Variants in A2ML1 observed in about 807,000 individuals in gnomAD.
A2ML1 encodes alpha-2-macroglobulin like 1.
A2ML1 carries 161 observed loss-of-function variants against 181.9 expected under a neutral mutation model. The ratio of observed to expected loss-of-function variants is 0.89; its 90% CI spans 0.78 to 1.01. The LOEUF (loss-of-function observed/expected upper bound fraction) is 1.01, where lower values mean the gene tolerates loss of function less well. Ranked by LOEUF, A2ML1 falls within the 50% of genes least tolerant of loss-of-function variation. The pLI, the probability that A2ML1 is intolerant of heterozygous loss-of-function variation, is 0.00. For missense variants in A2ML1, 1,670 were observed against 1,768.1 expected (o/e 0.94, Z 1.00); for synonymous variants, 663 against 666.8 (o/e 0.99, Z 0.09).
intron 12 of A2ML1, 91 bp from the exon 13 acceptor site, chr12:8,845,351 T>C (rs1943631732): frequency 6.8e-7 from 1 of 1,469,720 alleles, no homozygotes; most frequent in South Asian, 1.1e-5. Flanking sequence ...GAACCTCTCC[T>C]CATGAAGGGA....
chr12:8,837,890 C>T (rs984871834), intron 8 of A2ML1, among the ~76,000 whole-genome samples: 3 of 46,092 alleles, frequency 6.5e-5, no homozygotes, highest in East Asian at 2.9e-3. Context: ...CCTCCCCCAC[C>T]GAAAAAAAAA....
intron 12 of A2ML1, chr12:8,845,061 T>A: frequency 7.0e-7 from 1 of 1,432,654 alleles, no homozygotes; most frequent in Non-Finnish European, 9.1e-7. Flanking sequence ...AATTTTAAAT[T>A]GAGCTGTAAT....
At chr12:8,837,649 A>G (rs1357542447) in intron 8 of A2ML1, 83 bp downstream of exon 8, 186 of 1,426,076 alleles carry the variant, frequency 1.3e-4, no homozygotes, top group Non-Finnish European at 1.7e-4. Context: ...TGGGAGGCCG[A>G]GATGGGCGGA....
downstream of A2ML1, among the ~76,000 whole-genome samples, chr12:8,877,315 T>C (rs770286166): frequency 6.6e-6 from 1 of 152,026 alleles, no homozygotes; most frequent in Non-Finnish European, 1.5e-5. Context: ...AAGTACATTC[T>C]ACAAAAATAA....
rs1175348410 is a variant in A2ML1 at position 8,857,236 on chromosome 12, A to G, written c.2921A>G (p.Asn974Ser). 1 of 1,613,384 alleles carries G rather than the reference A, an allele frequency of 6.2e-7. No individual in the cohort carries two copies. Among genetic ancestry groups the G allele is most frequent in the East Asian group, 2.2e-5 (1 of 44,884 alleles). Reference sequence around the variant, plus strand: ...ATGCCCAGTGGCTGTGGCGAGCAGAACATGGTCTTGTTTGCTCCCATCATC... The same window carrying G: ...ATGCCCAGTGGCTGTGGCGAGCAGAGCATGGTCTTGTTTGCTCCCATCATC... ...VQMPSGCGEQ[N>S]MVLFAPIIYV... Residue 974 changes from asparagine (N) to serine (S), a missense_variant, in exon 24 of 36, where the codon AAC (asparagine) becomes AGC (serine). Physicochemically the swap from Asn to Ser is conservative, Grantham distance 46. Coordinates refer to ENST00000299698, the MANE Select transcript of A2ML1 (RefSeq NM_144670.6).
At chr12:8,857,027 T>G in intron 23 of A2ML1, 137 bp from the exon 24 acceptor site, 47 of 810,324 alleles carry the variant, frequency 5.8e-5, no homozygotes, top group Non-Finnish European at 7.3e-5. Flanking sequence ...ATTACAGGCG[T>G]GAGCCACCAC....
intron 3 of A2ML1, among the ~76,000 whole-genome samples, chr12:8,828,144 A>G (rs1407460506): frequency 1.3e-5 from 2 of 152,168 alleles, no homozygotes; most frequent in Non-Finnish European, 2.9e-5. Flanking sequence ...AGGGCTCTAC[A>G]GTCAGCAGGT....
chr12:8,868,753 C>T (rs1944519316), intron 32 of A2ML1, 126 bp downstream of exon 32: 3 of 688,470 alleles, frequency 4.4e-6, no homozygotes, highest in African/African-American at 1.8e-5. Context: ...TATATACATA[C>T]ATATATATGT....
chr12:8,840,521 G>T (rs1331825781), intron 10 of A2ML1, among the ~76,000 whole-genome samples: 1 of 152,046 alleles, frequency 6.6e-6, no homozygotes, highest in Non-Finnish European at 1.5e-5. Context: ...TTATTCCTCA[G>T]TTATCATTTC....
At chr12:8,842,253 T>C (rs1943505403) in intron 11 of A2ML1, among the ~76,000 whole-genome samples, 1 of 151,710 alleles carries the variant, frequency 6.6e-6, no homozygotes, top group Non-Finnish European at 1.5e-5. Context: ...AGTCTCACTC[T>C]GTCACCCAGG....
chr12:8,861,364 C>A, intron 28 of A2ML1, 67 bp downstream of exon 28: 1 of 1,537,338 alleles, frequency 6.5e-7, no homozygotes, highest in Non-Finnish European at 8.9e-7. Context: ...TATAATCTCC[C>A]TAGTAACCTC....
chr12:8,844,000 A>G (rs1160645907), intron 12 of A2ML1, among the ~76,000 whole-genome samples: 6 of 152,084 alleles, frequency 3.9e-5, no homozygotes, highest in South Asian at 2.1e-4. Flanking sequence ...GATTACAGGC[A>G]TGAGCCACCG....
intron 7 of A2ML1, among the ~76,000 whole-genome samples, chr12:8,883,248 T>C (rs920868315): frequency 9.2e-5 from 14 of 152,076 alleles, no homozygotes; most frequent in Non-Finnish European, 7.4e-5. Context: ...GTAAGATCTC[T>C]GGAAAGCTGG....
chr12:8,874,364 T>C (rs1256876618), intron 33 of A2ML1, 61 bp from the exon 34 acceptor site: 4 of 1,320,076 alleles, frequency 3.0e-6, no homozygotes, highest in African/African-American at 1.5e-5. Flanking sequence ...TTATTCCACA[T>C]TGCATACAGT....
At chr12:8,854,297 A>T in intron 21 of A2ML1, 48 bp downstream of exon 21, 1 of 1,540,606 alleles carries the variant, frequency 6.5e-7, no homozygotes, top group Non-Finnish European at 8.8e-7. Flanking sequence ...AGGGATGCTC[A>T]GCATCTCGTC....
intron 10 of A2ML1, among the ~76,000 whole-genome samples, chr12:8,840,978 AGAAGGAAG>A (rs71045213): frequency 1.6e-3 from 201 of 125,360 alleles, no homozygotes; most frequent in African/African-American, 3.8e-3. Context: ...AAGGAAGGAA[AGAAGGAAG>A]GAAGGAAGGA....
chr12:8,850,229 G>A lies in A2ML1; in HGVS notation c.2189G>A (p.Arg730His), dbSNP rs200346409. 2.7e-5 allele frequency: 44 copies of A among 1,613,050 alleles called. No individual in the cohort carries two copies. Among genetic ancestry groups the A allele is most frequent in the African/African-American group, 1.7e-4 (13 of 74,790 alleles). Residue 730 changes from arginine (R) to histidine (H), a missense_variant, in exon 18 of 36, where the codon CGC becomes CAC. Coordinates refer to ENST00000299698, the MANE Select transcript of A2ML1 (RefSeq NM_144670.6). Reference protein sequence around the residue: ...PLHQAEDSQVRQYFPETWLWD... With the variant: ...PLHQAEDSQVHQYFPETWLWD... ...CATCAAGCAGAGGATTCTCAGGTCC[G>A]CCAGTACTTCCCAGAGACCTGGCTC...
chr12:8,823,635 C>G (rs946562216), intron 2 of A2ML1, 85 bp from the exon 3 acceptor site: 2 of 1,458,678 alleles, frequency 1.4e-6, no homozygotes, highest in Non-Finnish European at 9.3e-7. Context: ...TCAGCTCTTT[C>G]CTTTAACTCA....
Position 8,852,142 on chromosome 12 carries a change from G to T in A2ML1, c.2464-68G>T. 1 of 1,600,364 alleles carries T rather than the reference G, an allele frequency of 6.2e-7. No individual in the cohort carries two copies. Among genetic ancestry groups the T allele is most frequent in the Non-Finnish European group, 8.5e-7 (1 of 1,172,582 alleles). On this transcript the variant is annotated intron_variant, in intron 19 of 35. Transcript: ENST00000299698. This position sits in a 1 kb window ranked among gnomAD's most constrained non-coding sequence, Gnocchi z 4.2. ...GGAGATGTCGGCGTCTCAGCCCCCA[G>T]GTTTCCCCAGGCCTCTATGCACTAC...
Sources: allele counts gnomAD v4.1 joint callset (sites outside exome capture counted in the v4.1 genomes callset), GRCh38; gene constraint gnomAD v4.1.1; non-coding constraint Gnocchi (gnomAD v3.1); transcripts MANE v1.5; gene names NCBI Gene and HGNC (gene_info 2026-07-23, HGNC 2026-07-21).